The following NELL2 variants were observed in gnomAD, a reference collection of about 807,000 sequenced individuals.
NELL2 encodes neural EGFL like 2.
Under a neutral mutation model 109.6 loss-of-function variants are expected in NELL2, and 41 were observed. That is an observed-to-expected ratio of 0.37 (90% CI 0.29 to 0.49). The LOEUF (loss-of-function observed/expected upper bound fraction) is 0.49. Ranked by LOEUF, NELL2 falls within the 20% of genes least tolerant of loss-of-function variation. NELL2 has a pLI of 0.98. For missense variants in NELL2, 900 were observed against 1,008.3 expected, an observed-to-expected ratio of 0.89 and a Z score of 1.45; for synonymous variants, 355 against 344.7, an observed-to-expected ratio of 1.03 and a Z score of -0.33.
intron 15 of NELL2, among the ~76,000 whole-genome samples, chr12:44,590,079 T>G (rs946569737): frequency 3.3e-5 from 5 of 152,200 alleles, no homozygotes; most frequent in Non-Finnish European, 7.3e-5. Context: ...GATTTATTAT[T>G]TTTTGCATAT....
chr12:44,659,633 T>A (rs372748501), intron 13 of NELL2, among the ~76,000 whole-genome samples: 3 of 152,214 alleles, frequency 2.0e-5, no homozygotes, highest in East Asian at 1.9e-4. Context: ...GATAACTTTT[T>A]AAAAAAATTC....
At chr12:44,615,721 C>T (rs1047889565) in intron 13 of NELL2, among the ~76,000 whole-genome samples, 3 of 152,048 alleles carry the variant, frequency 2.0e-5, no homozygotes, top group African/African-American at 7.2e-5. Flanking sequence ...TGCTGCTTTA[C>T]AATTAGGACG....
Position 44,692,355 on chromosome 12 carries a change from T to C in NELL2, c.1318+11371A>G, listed in dbSNP as rs117765295. On this transcript the variant is annotated intron_variant, in intron 12 of 19. Transcript: ENST00000429094. The stretch of plus-strand genomic sequence containing the variant: ...GTCCACTGTTCAGAATAAAGAAGTA[T>C]TCCTTTCAAATTATTGTGGCCCATT... 4.3e-3 allele frequency among the ~76,000 whole-genome samples: 657 copies of C among 152,270 alleles called. 5 individuals carry two copies. Among genetic ancestry groups the C allele is most frequent in the Non-Finnish European group, 7.4e-3 (505 of 67,998 alleles).
intron 3 of NELL2, among the ~76,000 whole-genome samples, chr12:44,789,919 A>G (rs1017830817): frequency 2.0e-5 from 3 of 152,124 alleles, no homozygotes; most frequent in Non-Finnish European, 4.4e-5. Context: ...CAATCCAACA[A>G]AGACAAAGAA....
chr12:44,649,591 A>G (rs17651444), intron 13 of NELL2, among the ~76,000 whole-genome samples: 19,284 of 152,108 alleles, frequency 0.13, 1,452 homozygotes, highest in East Asian at 0.21. Context: ...TCCTGAGAAG[A>G]CTGTCACAGC....
intron 9 of NELL2, among the ~76,000 whole-genome samples, chr12:44,731,205 C>T (rs575959303): frequency 1.3e-5 from 2 of 152,130 alleles, no homozygotes; most frequent in Admixed American, 1.3e-4. Flanking sequence ...TCAAACTCCT[C>T]CCAAAACATT....
At chr12:44,574,996 G>A (rs1944020970) in intron 15 of NELL2, among the ~76,000 whole-genome samples, 1 of 152,012 alleles carries the variant, frequency 6.6e-6, no homozygotes, top group South Asian at 2.1e-4. Flanking sequence ...AATGCATCCT[G>A]TTTGCTGTAT....
chr12:44,614,536 T>A (rs764792950), intron 13 of NELL2, among the ~76,000 whole-genome samples: 1 of 152,018 alleles, frequency 6.6e-6, no homozygotes, highest in Non-Finnish European at 1.5e-5. Flanking sequence ...TATAGTAAAG[T>A]TCGTCCATGG....
chr12:44,584,300 G>T (rs1483308658), intron 15 of NELL2, among the ~76,000 whole-genome samples: 1 of 152,218 alleles, frequency 6.6e-6, no homozygotes, highest in Non-Finnish European at 1.5e-5. Context: ...TGACTGGTCA[G>T]CCTGGCCTTT....
chr12:44,598,092 T>C (rs1945039615), intron 15 of NELL2, among the ~76,000 whole-genome samples: 1 of 150,992 alleles, frequency 6.6e-6, no homozygotes, highest in Non-Finnish European at 1.5e-5. Flanking sequence ...ATTTGCTATT[T>C]AACTTGATCC....
chr12:44,647,867 T>C (rs917717269), intron 13 of NELL2, among the ~76,000 whole-genome samples: 1 of 152,112 alleles, frequency 6.6e-6, no homozygotes, highest in Non-Finnish European at 1.5e-5. Flanking sequence ...TCCAACCTAG[T>C]AAAATAAAGG....
chr12:44,686,219 C>T (rs1045975597), intron 12 of NELL2, among the ~76,000 whole-genome samples: 8 of 152,316 alleles, frequency 5.3e-5, no homozygotes, highest in African/African-American at 1.2e-4. Flanking sequence ...GCTCCTGAGG[C>T]GTCTGCATTC....
intron 2 of NELL2, among the ~76,000 whole-genome samples, chr12:44,819,601 C>A (rs544820421): frequency 6.6e-6 from 1 of 152,286 alleles, no homozygotes; most frequent in African/African-American, 2.4e-5. Flanking sequence ...TCCTCCACCC[C>A]ACCAGGGTGG....
rs112840623 is a variant in NELL2 at position 44,709,250 on chromosome 12, A to G, written c.1189+2042T>C. ...GCCTGTGAGTGCTTTGACCAATTGCATATGATAGAAGTGATGTGGTGCCAG... is the reference window on the plus strand; with the variant it reads ...GCCTGTGAGTGCTTTGACCAATTGCGTATGATAGAAGTGATGTGGTGCCAG... On this transcript the variant is annotated intron_variant, in intron 11 of 19. Coordinates refer to ENST00000429094, the MANE Select transcript of NELL2 (RefSeq NM_001145108.2). Among the ~76,000 whole-genome samples the G allele has an allele frequency of 2.6e-3, 400 of 152,258 alleles. 4 individuals are homozygous for G. Among genetic ancestry groups the G allele is most frequent in the African/African-American group, 8.7e-3 (362 of 41,556 alleles).
At chr12:44,706,378 C>T (rs1314076059) in intron 11 of NELL2, among the ~76,000 whole-genome samples, 2 of 152,084 alleles carry the variant, frequency 1.3e-5, no homozygotes, top group Non-Finnish European at 2.9e-5. Context: ...GAGTGGGTTG[C>T]TTCTGATCTA....
intron 15 of NELL2, among the ~76,000 whole-genome samples, chr12:44,557,022 C>T (rs987883422): frequency 6.6e-6 from 1 of 152,120 alleles, no homozygotes; most frequent in Non-Finnish European, 1.5e-5. Context: ...GATGAACAAG[C>T]TTTTGAGTAG....
chr12:44,716,248 C>T (rs748115786), intron 9 of NELL2, among the ~76,000 whole-genome samples: 3 of 152,242 alleles, frequency 2.0e-5, no homozygotes, highest in East Asian at 1.9e-4. Flanking sequence ...AAACCATGCA[C>T]GTTTTTTAAA....
At chr12:44,651,886 CT>C (rs1947313264) in intron 13 of NELL2, among the ~76,000 whole-genome samples, 1 of 152,144 alleles carries the variant, frequency 6.6e-6, no homozygotes, top group Non-Finnish European at 1.5e-5. Flanking sequence ...GGGAGACCTT[CT>C]TCTAAGAAGG....
chr12:44,564,860 G>T (rs1389297901), intron 15 of NELL2, among the ~76,000 whole-genome samples: 1 of 152,108 alleles, frequency 6.6e-6, no homozygotes, highest in Non-Finnish European at 1.5e-5. Flanking sequence ...TGAAATGAGG[G>T]CCTTATTGGT....
Sources: allele counts gnomAD v4.1 joint callset (sites outside exome capture counted in the v4.1 genomes callset), GRCh38; gene constraint gnomAD v4.1.1; transcripts MANE v1.5; gene names NCBI Gene and HGNC (gene_info 2026-07-23, HGNC 2026-07-21).